HPS1: variants seen among roughly 807,000 people sequenced by gnomAD.
The protein encoded by HPS1 is HPS1 biogenesis of lysosomal organelles complex 3 subunit 1.
Under a neutral mutation model 90.6 loss-of-function variants are expected in HPS1, and 59 were observed. The ratio of observed to expected loss-of-function variants is 0.65; its 90% CI spans 0.53 to 0.81. The LOEUF (loss-of-function observed/expected upper bound fraction) is 0.81. HPS1 is among the 30% of genes least tolerant of loss of function. The pLI is 0.00. For synonymous variants in HPS1, 388 were observed against 384.4 expected, an observed-to-expected ratio of 1.01 and a Z score of -0.11; for missense variants, 849 against 896.7, an observed-to-expected ratio of 0.95 and a Z score of 0.68.
intron 3 of HPS1, among the ~76,000 whole-genome samples, chr10:98,442,005 A>G (rs1467265023): frequency 1.3e-5 from 2 of 152,272 alleles, no homozygotes; most frequent in Non-Finnish European, 2.9e-5. Flanking sequence ...GCATCCATGT[A>G]TACATAGACT....
Position 98,429,480 on chromosome 10 carries a change from C to A in HPS1, c.937+93G>T. The A allele has an allele frequency of 1.9e-6, 3 of 1,603,854 alleles. No individual in the cohort carries two copies. In the South Asian group the frequency reaches 3.4e-5, roughly 18 times the overall value. Reference sequence around the variant, plus strand: ...GTACCTGCACTCAAGCCTTAGGAGGCACGGGGGTCCACTGGAGCCTAAGAC... The same window carrying A: ...GTACCTGCACTCAAGCCTTAGGAGGAACGGGGGTCCACTGGAGCCTAAGAC... On this transcript the variant is annotated intron_variant, in intron 10 of 19. Transcript: ENST00000361490.
intron 11 of HPS1, 23 bp from the exon 12 acceptor site, chr10:98,426,008 G>T: frequency 6.2e-7 from 1 of 1,611,848 alleles, no homozygotes; most frequent in Non-Finnish European, 8.5e-7. Context: ...AAGAGCTGCA[G>T]TGAGAGGTGG....
At chr10:98,422,593 G>A in intron 16 of HPS1, 80 bp from the exon 17 acceptor site, 1 of 1,443,716 alleles carries the variant, frequency 6.9e-7, no homozygotes, top group Non-Finnish European at 9.7e-7. Flanking sequence ...GCTGTGCCCA[G>A]TCATGGTGGC....
intron 13 of HPS1, 145 bp downstream of exon 13, chr10:98,425,396 G>C: frequency 1.3e-6 from 1 of 759,620 alleles, no homozygotes; most frequent in Non-Finnish European, 2.2e-6. Context: ...TTCATAATAG[G>C]GAAAACAAGG....
intron 3 of HPS1, among the ~76,000 whole-genome samples, chr10:98,440,591 A>T (rs763818852): frequency 3.3e-5 from 5 of 152,148 alleles, no homozygotes. Context: ...TAAAGACCCA[A>T]AGAAAGTATA....
Position 98,423,881 on chromosome 10 carries a change from G to A in HPS1, c.1404C>T (p.Leu468=), listed in dbSNP as rs1191767611. Reference sequence around the variant, plus strand: ...GCCGCTTCAGCTTCCCACATGCCTGGAGCAGCCTGAGCACGAGAGAGGAGG... The same window carrying A: ...GCCGCTTCAGCTTCCCACATGCCTGAAGCAGCCTGAGCACGAGAGAGGAGG... ...KSEPGSSWEL[L]QACGKLKRQL... Residue 468 remains leucine (L), a synonymous_variant, in exon 15 of 20, where the codon CTC becomes CTT. Transcript: ENST00000361490. 1 of 1,613,572 alleles carries A rather than the reference G, an allele frequency of 6.2e-7. No individual in the cohort carries two copies. Among genetic ancestry groups the A allele is most frequent in the East Asian group, 2.2e-5 (1 of 44,894 alleles).
rs747509119 is a variant in HPS1, at chr10:98,417,723, C to T, written c.1944G>A (p.Lys648=). 2 of 1,613,600 alleles carry T rather than the reference C, an allele frequency of 1.2e-6. No homozygotes were observed. Among genetic ancestry groups the T allele is most frequent in the African/African-American group, 2.7e-5 (2 of 74,916 alleles). ...GGTTCTTGCTGTAGTAGCGCAGGAG[C>T]TTCCTGGGGAGGAAGGGGAGGATGG... ...IGMLGGDYYR[K]LLRYYSKNRP... Residue 648 remains lysine, a synonymous_variant, in exon 20 of 20, where the codon AAG becomes AAA. Coordinates refer to ENST00000361490, the MANE Select transcript of HPS1 (RefSeq NM_000195.5). This position sits in a 1 kb window ranked among gnomAD's most constrained non-coding sequence, Gnocchi z 4.2.
downstream of HPS1, chr10:98,414,878 T>C: frequency 2.2e-6 from 3 of 1,365,628 alleles, no homozygotes; most frequent in East Asian, 2.5e-5. Flanking sequence ...TGCTAGCGTA[T>C]AAACTTCTGG....
At chr10:98,429,720 G>A (rs1473826323) in intron 9 of HPS1, 71 bp downstream of exon 9, 27 of 1,613,678 alleles carry the variant, frequency 1.7e-5, no homozygotes, top group Non-Finnish European at 2.0e-5. Flanking sequence ...CAGGAGGGAT[G>A]GGAAAGGCCT....
intron 17 of HPS1, among the ~76,000 whole-genome samples, chr10:98,421,316 C>A (rs1844823407): frequency 6.6e-6 from 1 of 152,208 alleles, no homozygotes; most frequent in Non-Finnish European, 1.5e-5. Context: ...ATATTGGGGA[C>A]ATAATCAGAG....
Position 98,428,697 on chromosome 10 carries a change from C to CTTT in HPS1, c.937+873_937+875dup, listed in dbSNP as rs11435125. ...GATGATGTGGAGGGACCACAGGACC[C>CTTT]TTTTTTTTTTTTTTTTTTACCTAAG... On this transcript the variant is annotated intron_variant, in intron 10 of 19. Coordinates refer to ENST00000361490, the MANE Select transcript of HPS1 (RefSeq NM_000195.5). Among the ~76,000 whole-genome samples, 65 of 128,150 alleles carry CTTT rather than the reference C, an allele frequency of 5.1e-4. 1 individual carries two copies. The highest frequency in any genetic ancestry group is 4.7e-3 in the East Asian group (20 of 4,294). The allele number at this position is 128,150 out of a possible 152,430, so 84.1% of individuals were successfully genotyped here.
At chr10:98,428,090 T>C (rs1335186718) in intron 10 of HPS1, among the ~76,000 whole-genome samples, 1 of 152,182 alleles carries the variant, frequency 6.6e-6, no homozygotes, top group Non-Finnish European at 1.5e-5. Context: ...TACCCAGAAC[T>C]CTGCTTCTCA....
downstream of HPS1, chr10:98,416,139 C>T (rs1006524194): frequency 3.9e-5 from 6 of 152,238 alleles, no homozygotes; most frequent in Non-Finnish European, 8.8e-5. Context: ...AGAGGGGGTT[C>T]CGAGGACCCC....
rs371226202 is a variant in HPS1 at position 98,425,609 on chromosome 10, G to T, written c.1267C>A (p.Pro423Thr). 1.2e-6 allele frequency: 2 copies of T among 1,613,766 alleles called. No individual in the cohort carries two copies. The highest frequency in any genetic ancestry group is 1.3e-5 in the African/African-American group (1 of 74,954). Residue 423 changes from proline to threonine, a missense_variant, in exon 13 of 20, where the codon CCC becomes ACC. Transcript: ENST00000361490. The stretch of plus-strand genomic sequence containing the variant: ...CTCTGGCGCAGGTCTCCCACGAGGG[G>T]CTGGGAGCGCAGGGAGGCCCCGGGC... ...PEPGASLRSQ[P>T]LVGDLRQRMD...
Position 98,435,221 on chromosome 10 carries a change from C to A in HPS1, c.398+51G>T. 1 of 1,611,820 alleles carries A rather than the reference C, an allele frequency of 6.2e-7. No homozygotes were observed. Among genetic ancestry groups the A allele is most frequent in the East Asian group, 2.2e-5 (1 of 44,876 alleles). ...AGGGGCTGGGCACACGCTGCCTGGC[C>A]CAGCGAGGGTGCTCGGCAAAGGACA... On this transcript the variant is annotated intron_variant, in intron 5 of 19. Coordinates refer to ENST00000361490, the MANE Select transcript of HPS1 (RefSeq NM_000195.5). The surrounding 1 kb of genome is among the most constrained non-coding windows in gnomAD (Gnocchi z 4.3).
Position 98,423,760 on chromosome 10 carries a change from G to T in HPS1, c.1525C>A (p.Leu509Ile). Reference protein sequence around the residue: ...PQHLQDQVQRLMREKLTDWKD... With the variant: ...PQHLQDQVQRIMREKLTDWKD... ...GGGCCGCACTGCACTTACCGCATGA[G>T]CCTCTGCACTTGGTCCTGCAGGTGC... The change falls in exon 15 of 20, where the codon CTC (leucine) becomes ATC (isoleucine). Residue 509 changes from leucine to isoleucine, a missense_variant. Leu to Ile is a conservative substitution (Grantham distance 5). Coordinates refer to ENST00000361490, the MANE Select transcript of HPS1 (RefSeq NM_000195.5). 1.2e-6 allele frequency: 2 copies of T among 1,614,152 alleles called. No individual in the cohort carries two copies. The highest frequency in any genetic ancestry group is 1.7e-6 in the Non-Finnish European group (2 of 1,180,032).
chr10:98,426,981 G>A (rs1845691142), intron 11 of HPS1, among the ~76,000 whole-genome samples: 1 of 151,956 alleles, frequency 6.6e-6, no homozygotes, highest in Non-Finnish European at 1.5e-5. Context: ...CTGAGGGACA[G>A]CACCTGGGGG....
rs766144018 is a variant in HPS1 at position 98,429,603 on chromosome 10, GTGTGAAGTA to G, written c.898_906del (p.Tyr300_Thr302del). ...CTCTGATCGCCAGGGGAAGGAGCTG[GTGTGAAGTA>G]CTCCTCAGGGAGGGAGAAGCTGTCT... is the stretch of plus-strand genomic sequence containing the variant. On this transcript the variant is annotated inframe_deletion, in exon 10 of 20. Transcript: ENST00000361490. 6.2e-7 allele frequency: 1 copy of G among 1,614,188 alleles called. No homozygotes were observed. The highest frequency in any genetic ancestry group is 1.1e-5 in the South Asian group (1 of 91,086).
At chr10:98,437,310 AT>A (rs1246953498) in intron 3 of HPS1, among the ~76,000 whole-genome samples, 4 of 152,226 alleles carry the variant, frequency 2.6e-5, no homozygotes, top group Non-Finnish European at 5.9e-5. Flanking sequence ...AAGAATTCAA[AT>A]ATTTGCTGAA....
Sources: allele counts gnomAD v4.1 joint callset (sites outside exome capture counted in the v4.1 genomes callset), GRCh38; gene constraint gnomAD v4.1.1; non-coding constraint Gnocchi (gnomAD v3.1); transcripts MANE v1.5; gene names NCBI Gene and HGNC (gene_info 2026-07-23, HGNC 2026-07-21).